DENND1A: variants seen among roughly 807,000 people sequenced by gnomAD.
DENND1A encodes DENN domain-containing protein 1A.
Under a neutral mutation model 113.7 loss-of-function variants are expected in DENND1A, and 51 were observed. That is an observed-to-expected ratio of 0.45 (90% CI 0.36 to 0.57). The LOEUF (loss-of-function observed/expected upper bound fraction) is 0.57, where lower values mean the gene tolerates loss of function less well. Ranked by LOEUF, DENND1A falls within the 20% of genes least tolerant of loss-of-function variation. DENND1A has a pLI of 0.00. For missense variants in DENND1A, 1,258 were observed against 1,395.9 expected (o/e 0.90, Z 1.57); for synonymous variants, 565 against 570.8 (o/e 0.99, Z 0.14).
intron 13 of DENND1A, among the ~76,000 whole-genome samples, chr9:123,557,313 C>T (rs1041023385): frequency 4.6e-5 from 7 of 152,282 alleles, no homozygotes; most frequent in South Asian, 4.1e-4. Context: ...ATCTGACACG[C>T]GGTTGGGGCT....
At chr9:123,623,070 T>C (rs1201647382) in intron 10 of DENND1A, among the ~76,000 whole-genome samples, 1 of 152,196 alleles carries the variant, frequency 6.6e-6, no homozygotes, top group Non-Finnish European at 1.5e-5. Context: ...CCATCTGCTT[T>C]TGTTTCTTTT....
At chr9:123,908,737 T>G (rs949612608) in intron 1 of DENND1A, among the ~76,000 whole-genome samples, 2 of 151,458 alleles carry the variant, frequency 1.3e-5, no homozygotes, top group Non-Finnish European at 3.0e-5. Flanking sequence ...GGAACACTTT[T>G]ACACTGTTGG....
At chr9:123,562,133 C>G (rs775999135) in intron 12 of DENND1A, among the ~76,000 whole-genome samples, 48 of 152,290 alleles carry the variant, frequency 3.2e-4, no homozygotes, top group African/African-American at 1.1e-3. Context: ...TCGGTGCCCC[C>G]GCCCTTCACC....
intron 2 of DENND1A, among the ~76,000 whole-genome samples, chr9:123,832,167 G>C (rs1590273552): frequency 6.6e-6 from 1 of 152,104 alleles, no homozygotes; most frequent in South Asian, 2.1e-4. Context: ...CAGAGTACAA[G>C]GTAAATTATA....
At chr9:123,871,903 T>C (rs1846677270) in intron 2 of DENND1A, among the ~76,000 whole-genome samples, 1 of 152,232 alleles carries the variant, frequency 6.6e-6, no homozygotes, top group Non-Finnish European at 1.5e-5. Context: ...GAGTGCCCGC[T>C]GCAGGCTAAG....
intron 7 of DENND1A, among the ~76,000 whole-genome samples, chr9:123,667,719 A>C (rs2063560011): frequency 6.6e-6 from 1 of 152,228 alleles, no homozygotes; most frequent in Admixed American, 6.5e-5. Context: ...GTATTCTAGG[A>C]ACAAAATATC....
At chr9:123,756,456 T>C (rs2070555590) in intron 5 of DENND1A, among the ~76,000 whole-genome samples, 1 of 152,202 alleles carries the variant, frequency 6.6e-6, no homozygotes, top group South Asian at 2.1e-4. Context: ...AGGTAATTCT[T>C]GGGCCTGGGC....
chr9:123,918,304 C>T (rs527494451), intron 1 of DENND1A, among the ~76,000 whole-genome samples: 80 of 150,610 alleles, frequency 5.3e-4, no homozygotes, highest in African/African-American at 1.5e-3. Flanking sequence ...CTGGCTAACA[C>T]GGTGAAACCC....
intron 12 of DENND1A, among the ~76,000 whole-genome samples, chr9:123,568,163 G>A (rs1027161850): frequency 6.6e-6 from 1 of 152,164 alleles, no homozygotes; most frequent in African/African-American, 2.4e-5. Flanking sequence ...ATATTCTAGT[G>A]ACCTCTAGGC....
chr9:123,496,532 G>A (rs1450023386), intron 13 of DENND1A, among the ~76,000 whole-genome samples: 1 of 152,146 alleles, frequency 6.6e-6, no homozygotes, highest in African/African-American at 2.4e-5. Context: ...CCCCAGTCCT[G>A]AGTTTTCCTG....
chr9:123,509,274 C>T (rs776389166), intron 13 of DENND1A, among the ~76,000 whole-genome samples: 2 of 152,346 alleles, frequency 1.3e-5, no homozygotes, highest in African/African-American at 2.4e-5. Flanking sequence ...TCGCAGAAGA[C>T]GTTCTCACCA....
intron 1 of DENND1A, among the ~76,000 whole-genome samples, chr9:123,904,459 G>A (rs1291137922): frequency 6.8e-6 from 1 of 146,820 alleles, no homozygotes. Flanking sequence ...CAAAGAAGTT[G>A]AAAACTTTGA....
chr9:123,622,626 T>A (rs2061016564), intron 10 of DENND1A, among the ~76,000 whole-genome samples: 1 of 152,188 alleles, frequency 6.6e-6, no homozygotes, highest in African/African-American at 2.4e-5. Context: ...AGCTTTAATA[T>A]CAGATGGCCT....
intron 5 of DENND1A, among the ~76,000 whole-genome samples, chr9:123,750,811 A>G (rs997707509): frequency 2.0e-5 from 3 of 152,180 alleles, no homozygotes; most frequent in African/African-American, 7.2e-5. Flanking sequence ...TTGATGCCCA[A>G]CTGCCCTCAA....
chr9:123,662,587 A>T (rs1389431785), intron 8 of DENND1A, among the ~76,000 whole-genome samples: 1 of 152,200 alleles, frequency 6.6e-6, no homozygotes, highest in Admixed American at 6.5e-5. Flanking sequence ...AGTTATTTTT[A>T]GTCATGCTAG....
chr9:123,887,259 T>G (rs534205480), intron 1 of DENND1A, among the ~76,000 whole-genome samples: 2 of 152,046 alleles, frequency 1.3e-5, no homozygotes, highest in African/African-American at 4.8e-5. Flanking sequence ...CAGAGTGAGG[T>G]AGACGTTCAT....
At chr9:123,851,360 C>A (rs1267016394) in intron 2 of DENND1A, among the ~76,000 whole-genome samples, 1 of 152,154 alleles carries the variant, frequency 6.6e-6, no homozygotes, top group African/African-American at 2.4e-5. Flanking sequence ...TATAGCAATA[C>A]CTTGTTCCTT....
At chr9:123,723,597 A>G (rs2067493063) in intron 5 of DENND1A, among the ~76,000 whole-genome samples, 1 of 152,162 alleles carries the variant, frequency 6.6e-6, no homozygotes, top group African/African-American at 2.4e-5. Flanking sequence ...CGTGACAATG[A>G]ATAAGTCTCA....
At chr9:123,572,011 A>G (rs753465703) in intron 12 of DENND1A, among the ~76,000 whole-genome samples, 50 of 152,222 alleles carry the variant, frequency 3.3e-4, no homozygotes, top group Non-Finnish European at 3.8e-4. Flanking sequence ...TTATTGAGGT[A>G]TGATTTACAT....
Sources: allele counts gnomAD v4.1 joint callset (sites outside exome capture counted in the v4.1 genomes callset), GRCh38; gene constraint gnomAD v4.1.1; transcripts MANE v1.5; gene names NCBI Gene and HGNC (gene_info 2026-07-23, HGNC 2026-07-21).